Variants in ZC3H18 observed in about 807,000 individuals in gnomAD.
The protein encoded by ZC3H18 is zinc finger CCCH-type containing 18.
A neutral mutation model predicts 106.1 loss-of-function variants in ZC3H18; 8 were observed. The observed-to-expected ratio is 0.08, with a 90% CI of 0.04 to 0.14. The LOEUF (loss-of-function observed/expected upper bound fraction) is 0.14. Among genes scored for constraint, ZC3H18 ranks in the 10% least tolerant of loss-of-function variants. The probability of loss-of-function intolerance (pLI) is 1.00; values close to 1 mark genes in which losing one functional copy is unlikely to be tolerated. For synonymous variants in ZC3H18, 635 were observed against 522.1 expected (o/e 1.22, Z -2.95); for missense variants, 1,318 against 1,278.4 (o/e 1.03, Z -0.47).
chr16:88,587,852 T>C (rs1229357884), intron 3 of ZC3H18, among the ~76,000 whole-genome samples: 2 of 152,216 alleles, frequency 1.3e-5, no homozygotes, highest in East Asian at 3.9e-4. Flanking sequence ...AGGCAGGCTG[T>C]GCTCTTAGAG....
rs532045075 is a variant in ZC3H18, at chr16:88,574,954, C to T, written c.-14-2156C>T. The stretch of plus-strand genomic sequence containing the variant: ...ACGCCATTCTCCTGCCTCAGCCTCC[C>T]GAGTAGCTGGGAACACAGGCACCCG... On this transcript the variant is annotated intron_variant, in intron 1 of 17. Transcript: ENST00000301011. Among the ~76,000 whole-genome samples the T allele has an allele frequency of 7.6e-4, 115 of 151,500 alleles. 1 individual carries two copies. Among genetic ancestry groups the T allele is most frequent in the Non-Finnish European group, 8.9e-4 (60 of 67,650 alleles).
intron 2 of ZC3H18, among the ~76,000 whole-genome samples, chr16:88,579,024 G>T (rs903598385): frequency 6.6e-6 from 1 of 152,106 alleles, no homozygotes; most frequent in African/African-American, 2.4e-5. Flanking sequence ...TGGCGTGCGT[G>T]CTCTCAATGC....
Position 88,627,509 on chromosome 16 carries a change from G to T in ZC3H18, c.2109-113G>T. ...GTGTCCCCCCAAAATCACACATTCC[G>T]TGGGTACATGATCCATAAATGGACA... On this transcript the variant is annotated intron_variant, in intron 13 of 17. Transcript: ENST00000301011. The surrounding 1 kb of genome is among the most constrained non-coding windows in gnomAD (Gnocchi z 4.5). 1.4e-6 allele frequency: 2 copies of T among 1,400,862 alleles called. No individual in the cohort carries two copies. Among genetic ancestry groups the T allele is most frequent in the Non-Finnish European group, 1.9e-6 (2 of 1,039,590 alleles). The allele number at this position is 1,400,862 out of a possible 1,614,324, so 86.8% of individuals were successfully genotyped here.
At chr16:88,574,243 G>A (rs1914593898) in intron 1 of ZC3H18, among the ~76,000 whole-genome samples, 1 of 151,800 alleles carries the variant, frequency 6.6e-6, no homozygotes, top group African/African-American at 2.4e-5. Context: ...GTCTCGCTTA[G>A]CCACCACCTA....
chr16:88,628,555 C>T (rs760176742), intron 15 of ZC3H18: 47 of 591,688 alleles, frequency 7.9e-5, no homozygotes, highest in Non-Finnish European at 1.3e-4. Flanking sequence ...TCCCCTGGAA[C>T]GTGAAGGGCC....
intron 6 of ZC3H18, 175 bp from the exon 7 acceptor site, chr16:88,608,759 G>T: frequency 1.3e-5 from 7 of 528,392 alleles, no homozygotes; most frequent in South Asian, 2.8e-5. Context: ...TTGACTTCTG[G>T]CCTGCTCTTA....
intron 6 of ZC3H18, among the ~76,000 whole-genome samples, chr16:88,604,433 TC>T (rs1444910094): frequency 6.6e-6 from 1 of 151,468 alleles, no homozygotes; most frequent in Admixed American, 6.6e-5. Context: ...ACGCCTGTAA[TC>T]CCAGCACTCT....
chr16:88,622,499 G>C (rs1180685436), intron 9 of ZC3H18, 111 bp downstream of exon 9: 13 of 1,269,968 alleles, frequency 1.0e-5, no homozygotes, highest in Admixed American at 2.8e-5. Context: ...TGTTTGCTGT[G>C]GCGTCGTTAC....
intron 3 of ZC3H18, among the ~76,000 whole-genome samples, chr16:88,590,542 C>G (rs1915682835): frequency 7.2e-6 from 1 of 138,372 alleles, no homozygotes; most frequent in African/African-American, 2.7e-5. Context: ...TAAACTGTGT[C>G]CCACTTTGGG....
Position 88,611,347 on chromosome 16 carries a change from G to C in ZC3H18, c.1286G>C (p.Arg429Pro). 1 of 807,042 alleles carries C rather than the reference G, an allele frequency of 1.2e-6. No homozygotes were observed. The highest frequency in any genetic ancestry group is 2.8e-5 in the East Asian group (1 of 35,916). 50.0% of individuals were successfully genotyped at this position (807,042 alleles called of 1,614,324 possible). A position where few individuals can be genotyped will look rare whatever the true frequency, so the allele number is the denominator to read the frequency against. Residue 429 changes from arginine (R) to proline (P), a missense_variant, in exon 8 of 18, where the codon CGC (arginine) becomes CCC (proline). Physicochemically the swap from Arg to Pro is moderately radical, Grantham distance 103. Coordinates refer to ENST00000301011, the MANE Select transcript of ZC3H18 (RefSeq NM_144604.4). ...RERERDRERE[R>P]RQRERERERE... ...CGGGAGCGGGACCGAGAGCGGGAGC[G>C]CCGGCAGAGGGAGCGCGAGCGAGAG... is the stretch of plus-strand genomic sequence containing the variant.
intron 11 of ZC3H18, 135 bp from the exon 12 acceptor site, chr16:88,624,467 C>T (rs906338525): frequency 2.1e-5 from 29 of 1,372,168 alleles, no homozygotes; most frequent in South Asian, 2.6e-5. Flanking sequence ...GAGCCGTGTC[C>T]AGGCACGAGC....
At chr16:88,588,106 G>A (rs1179184596) in intron 3 of ZC3H18, among the ~76,000 whole-genome samples, 1 of 152,208 alleles carries the variant, frequency 6.6e-6, no homozygotes, top group Non-Finnish European at 1.5e-5. Context: ...GGTACGTTTT[G>A]GAAAAGCTTT....
At chr16:88,628,254 G>C (rs1237988205) in intron 15 of ZC3H18, 135 bp downstream of exon 15, 3 of 1,030,096 alleles carry the variant, frequency 2.9e-6, no homozygotes, top group Non-Finnish European at 4.1e-6. Context: ...GCACAGCCTG[G>C]GTAACAAAGC....
chr16:88,605,975 GC>G (rs1276759288), intron 6 of ZC3H18, among the ~76,000 whole-genome samples: 1 of 152,252 alleles, frequency 6.6e-6, no homozygotes, highest in African/African-American at 2.4e-5. Context: ...GGGACGCGGG[GC>G]CTCTGGAGTG....
intron 3 of ZC3H18, 140 bp downstream of exon 3, chr16:88,586,824 G>T: frequency 1.6e-6 from 1 of 634,430 alleles, no homozygotes; most frequent in Non-Finnish European, 2.8e-6. Context: ...GGTGGTGGTG[G>T]TGGTGGTGGT....
chr16:88,617,760 T>C (rs961233076), intron 8 of ZC3H18, among the ~76,000 whole-genome samples: 1 of 152,196 alleles, frequency 6.6e-6, no homozygotes, highest in Non-Finnish European at 1.5e-5. Context: ...TTCTCACTCT[T>C]CCCTGGTAAG....
chr16:88,585,007 T>C (rs2142575606), intron 2 of ZC3H18, among the ~76,000 whole-genome samples: 1 of 152,362 alleles, frequency 6.6e-6, no homozygotes, highest in South Asian at 2.1e-4. Context: ...TGAGCTTACA[T>C]AGAATACCAC....
chr16:88,570,613 G>A (rs948301451), intron 1 of ZC3H18, 47 bp downstream of exon 1: 1 of 150,994 alleles, frequency 6.6e-6, no homozygotes, highest in African/African-American at 2.4e-5. Context: ...CGGCGGCGGC[G>A]GGAGGAGGAG....
chr16:88,598,092 G>GCCCCCCCCCCCCCCCCCCCCCC, intron 3 of ZC3H18, 86 bp from the exon 4 acceptor site: 1 of 349,612 alleles, frequency 2.9e-6, no homozygotes, highest in Non-Finnish European at 5.4e-6. Context: ...CATGGCCTCT[G>GCCCCCCCCCCCCCCCCCCCCCC]CCCCCTCCCA....
Sources: allele counts gnomAD v4.1 joint callset (sites outside exome capture counted in the v4.1 genomes callset), GRCh38; gene constraint gnomAD v4.1.1; non-coding constraint Gnocchi (gnomAD v3.1); transcripts MANE v1.5; gene names NCBI Gene and HGNC (gene_info 2026-07-23, HGNC 2026-07-21).